CUBN: variants seen among roughly 807,000 people sequenced by gnomAD.
CUBN encodes the protein cubilin, also known as 460 kDa receptor.
A neutral mutation model predicts 405.3 loss-of-function variants in CUBN; 282 were observed. The observed-to-expected ratio is 0.70, with a 90% CI of 0.63 to 0.77. CUBN has a LOEUF of 0.77. CUBN is among the 30% of genes least tolerant of loss of function. The pLI, the probability that CUBN is intolerant of heterozygous loss-of-function variation, is 0.00. For missense variants in CUBN, 4,514 were observed against 4,475.2 expected, an observed-to-expected ratio of 1.01 and a Z score of -0.25; for synonymous variants, 1,684 against 1,617.0, an observed-to-expected ratio of 1.04 and a Z score of -0.99.
chr10:16,874,142 C>T (rs1437561027), intron 58 of CUBN, among the ~76,000 whole-genome samples: 3 of 152,106 alleles, frequency 2.0e-5, no homozygotes, highest in Non-Finnish European at 2.9e-5. Context: ...GAAACTATAA[C>T]GACTGTTTTA....
chr10:16,826,415 T>C (rs1218961248), intron 66 of CUBN, among the ~76,000 whole-genome samples: 1 of 152,194 alleles, frequency 6.6e-6, no homozygotes, highest in African/African-American at 2.4e-5. Flanking sequence ...TGTGAAAGTA[T>C]GTATGTAAAT....
At position 16,925,748 on chromosome 10, in the gene CUBN, T is replaced by G. The variant is rs773011679; in HGVS notation, c.6298A>C (p.Arg2100=). Residue 2100 remains arginine (R), a synonymous_variant, in exon 42 of 67, where the codon AGA becomes CGA. Transcript: ENST00000377833. ...TACTTGGGGGACGTGATGATCCCTC[T>G]GTCTGCATGCAAATATCCACCGCAG... ...KSCGGYLHAD[R]GIITSPKYPE... The G allele has an allele frequency of 6.8e-6, 11 of 1,613,902 alleles. No individual in the cohort carries two copies. In the African/African-American group the frequency reaches 1.3e-4, roughly 20 times the overall value.
intron 50 of CUBN, among the ~76,000 whole-genome samples, chr10:16,905,233 A>G (rs1365599803): frequency 1.3e-5 from 2 of 152,200 alleles, no homozygotes; most frequent in East Asian, 3.8e-4. Flanking sequence ...TTTACTGAGA[A>G]AAACGTGTCA....
chr10:16,879,055 C>T (rs1170869617), intron 56 of CUBN, among the ~76,000 whole-genome samples: 1 of 152,202 alleles, frequency 6.6e-6, no homozygotes, highest in Non-Finnish European at 1.5e-5. Flanking sequence ...TGGGCACATG[C>T]TTTCAGTTCC....
At chr10:16,998,075 G>C (rs1219409417) in intron 28 of CUBN, among the ~76,000 whole-genome samples, 1 of 152,080 alleles carries the variant, frequency 6.6e-6, no homozygotes, top group East Asian at 1.9e-4. Flanking sequence ...GAAAAAAGAA[G>C]GAAGAAAGAA....
chr10:16,871,385 A>G (rs915407382), intron 58 of CUBN, among the ~76,000 whole-genome samples: 1 of 150,356 alleles, frequency 6.7e-6, no homozygotes, highest in Non-Finnish European at 1.5e-5. Flanking sequence ...AACAATCCAT[A>G]ATATGGAATA....
At chr10:17,086,842 T>A (rs1836121003) in intron 15 of CUBN, among the ~76,000 whole-genome samples, 1 of 152,238 alleles carries the variant, frequency 6.6e-6, no homozygotes, top group Non-Finnish European at 1.5e-5. Context: ...GACATTTCAA[T>A]ATTGTCAGAG....
intron 17 of CUBN, among the ~76,000 whole-genome samples, chr10:17,078,628 C>T (rs1167368660): frequency 6.6e-6 from 1 of 152,002 alleles, no homozygotes; most frequent in Admixed American, 6.5e-5. Flanking sequence ...TGACTGAAAC[C>T]TAAGTGGTTT....
At chr10:17,030,751 T>G (rs1834769588) in intron 27 of CUBN, among the ~76,000 whole-genome samples, 1 of 152,006 alleles carries the variant, frequency 6.6e-6, no homozygotes, top group Admixed American at 6.6e-5. Context: ...AAACCCCATT[T>G]CTACTAAAAA....
intron 28 of CUBN, among the ~76,000 whole-genome samples, chr10:16,999,598 G>A (rs368766528): frequency 1.3e-5 from 2 of 152,180 alleles, no homozygotes; most frequent in Non-Finnish European, 2.9e-5. Context: ...GGAAAGAAAT[G>A]AGACTAAGAT....
At chr10:17,048,159 AAATGAAGAGG>A (rs1164682797) in intron 22 of CUBN, among the ~76,000 whole-genome samples, 2 of 152,260 alleles carry the variant, frequency 1.3e-5, no homozygotes, top group East Asian at 3.8e-4. Flanking sequence ...CACATCTCGC[AAATGAAGAGG>A]ATTGCTACCT....
rs781304382 is a variant in CUBN at position 16,904,011 on chromosome 10, C to T, written c.8017G>A (p.Glu2673Lys). 6.8e-6 allele frequency: 11 copies of T among 1,613,188 alleles called. No individual in the cohort carries two copies. Among genetic ancestry groups the T allele is most frequent in the Middle Eastern group, 1.6e-4 (1 of 6,080 alleles). ...SQVWIHFVTN[E>K]RVEHIGFHAK... is the part of the protein sequence containing the mutation. ...TGGAATCCAATGTGTTCTACACGTT[C>T]GTTGGTGACAAAGTGAATCCATACC... The change falls in exon 51 of 67, where the codon GAA becomes AAA. Residue 2673 changes from glutamate to lysine, a missense_variant. Physicochemically the swap from Glu to Lys is moderately conservative, Grantham distance 56. Around this residue, in one of 5 missense-constraint regions of CUBN, gnomAD observed 1,186 missense variants for 1,186.9 expected, o/e 1.00. Transcript: ENST00000377833.
intron 22 of CUBN, among the ~76,000 whole-genome samples, chr10:17,054,668 T>C (rs1835350569): frequency 6.6e-6 from 1 of 152,030 alleles, no homozygotes; most frequent in East Asian, 1.9e-4. Context: ...ATTAAAATAA[T>C]AGAAAGACAC....
At chr10:16,916,580 T>C (rs1841890630) in intron 45 of CUBN, among the ~76,000 whole-genome samples, 1 of 152,226 alleles carries the variant, frequency 6.6e-6, no homozygotes, top group South Asian at 2.1e-4. Context: ...TTGAATTATA[T>C]GCAGCTTGAC....
At position 17,110,961 on chromosome 10, in the gene CUBN, C is replaced by T; in HGVS notation, c.973G>A (p.Val325Met). 1 of 1,614,226 alleles carries T rather than the reference C, an allele frequency of 6.2e-7. No individual in the cohort carries two copies. ...CAGTGGGAAGACCCAGGTGTATTCA[C>T]ACACTCAACGGGTGGAGCCACAGAA... ...GCSVAPPVEC[V>M]NTPGSSHCQA... The change falls in exon 9 of 67, where the codon GTG becomes ATG. Residue 325 changes from valine to methionine, a missense_variant. This residue lies in a region of CUBN where 1,448 missense variants were observed against 1,388.0 expected (regional missense o/e 1.04). Transcript: ENST00000377833.
intron 15 of CUBN, among the ~76,000 whole-genome samples, chr10:17,086,844 T>G (rs1269951756): frequency 9.9e-5 from 15 of 152,238 alleles, no homozygotes. Context: ...CATTTCAATA[T>G]TGTCAGAGTG....
In CUBN at chr10:16,996,022, G is replaced by A. The variant is rs537362270; in HGVS notation, c.4169-5507C>T. On this transcript the variant is annotated intron_variant, in intron 28 of 66. Transcript: ENST00000377833. ...CCCTATTGTGACACCCACCCTCCCC[G>A]ATCCTGACCTCCACTTCTGTGTTCT... Among the ~76,000 whole-genome samples, 19 of 152,114 alleles carry A rather than the reference G, an allele frequency of 1.2e-4. No individual in the cohort carries two copies. The South Asian group carries it at 2.3e-3, about 18-fold the overall frequency.
chr10:17,099,090 A>T (rs1311094910), intron 14 of CUBN, among the ~76,000 whole-genome samples: 1 of 152,172 alleles, frequency 6.6e-6, no homozygotes, highest in Non-Finnish European at 1.5e-5. Context: ...CTTTGAAAAG[A>T]ACAAAGTTGA....
At chr10:17,030,157 AGGG>A (rs1834758544) in intron 27 of CUBN, among the ~76,000 whole-genome samples, 1 of 152,212 alleles carries the variant, frequency 6.6e-6, no homozygotes, top group Non-Finnish European at 1.5e-5. Flanking sequence ...AACCAAGCTC[AGGG>A]CTCCCACTGA....
Sources: gnomAD v4.1 joint callset for allele counts (sites outside exome capture counted in the v4.1 genomes callset) on GRCh38, gnomAD v4.1.1 for gene constraint, gnomAD v4.1.1 regional missense constraint, MANE v1.5 for transcripts, NCBI Gene and HGNC (gene_info 2026-07-23, HGNC 2026-07-21) for gene names.